Variants in DNAI4 observed in about 807,000 individuals in gnomAD.
DNAI4 encodes dynein axonemal intermediate chain 4.
DNAI4 carries 85 observed loss-of-function variants against 105.8 expected under a neutral mutation model. The ratio of observed to expected loss-of-function variants is 0.80; its 90% CI spans 0.67 to 0.96. The LOEUF (loss-of-function observed/expected upper bound fraction) is 0.96, where lower values mean the gene tolerates loss of function less well. DNAI4 is among the 40% of genes least tolerant of loss of function. The probability of loss-of-function intolerance (pLI) is 0.00; values close to 1 mark genes in which losing one functional copy is unlikely to be tolerated. For synonymous variants in DNAI4, 352 were observed against 331.5 expected, an observed-to-expected ratio of 1.06 and a Z score of -0.67; for missense variants, 1,014 against 1,005.6, an observed-to-expected ratio of 1.01 and a Z score of -0.11.
At chr1:66,817,172 G>A (rs112823573) in intron 16 of DNAI4, among the ~76,000 whole-genome samples, 11 of 152,048 alleles carry the variant, frequency 7.2e-5, no homozygotes, top group African/African-American at 2.7e-4. Context: ...TCATCATTTG[G>A]GTTGTTTTCA....
intron 4 of DNAI4, among the ~76,000 whole-genome samples, chr1:66,876,899 T>G (rs6699606): frequency 6.6e-6 from 1 of 152,106 alleles, no homozygotes; most frequent in African/African-American, 2.4e-5. Flanking sequence ...ACACCTTTAC[T>G]CATGAATCCC....
At chr1:66,829,018 C>T (rs1322854371) in intron 13 of DNAI4, among the ~76,000 whole-genome samples, 5 of 152,116 alleles carry the variant, frequency 3.3e-5, no homozygotes, top group Non-Finnish European at 1.5e-5. Context: ...AGGGAGTGCT[C>T]TCAGGAACAA....
chr1:66,876,138 T>C (rs745478218), intron 4 of DNAI4, among the ~76,000 whole-genome samples: 10 of 152,040 alleles, frequency 6.6e-5, no homozygotes, highest in Non-Finnish European at 1.3e-4. Flanking sequence ...ATTTTATTTA[T>C]ATAAGTAAAT....
chr1:66,871,141 A>G (rs908450476), intron 6 of DNAI4: 14 of 463,132 alleles, frequency 3.0e-5, no homozygotes, highest in African/African-American at 2.6e-4. Flanking sequence ...TCTATGATAT[A>G]GTATGCATAA....
intron 2 of DNAI4, among the ~76,000 whole-genome samples, chr1:66,903,123 C>T (rs938710328): frequency 6.6e-5 from 10 of 152,178 alleles, no homozygotes; most frequent in African/African-American, 2.4e-4. Flanking sequence ...CTGTAAGTCA[C>T]TTTAGGTAGT....
intron 8 of DNAI4, among the ~76,000 whole-genome samples, chr1:66,846,303 T>C (rs1401830599): frequency 6.6e-6 from 1 of 152,184 alleles, no homozygotes; most frequent in Non-Finnish European, 1.5e-5. Flanking sequence ...CAAAAAGATT[T>C]ACAACCATTT....
At chr1:66,854,039 CAT>C (rs1437571889) in intron 7 of DNAI4, among the ~76,000 whole-genome samples, 4 of 152,140 alleles carry the variant, frequency 2.6e-5, no homozygotes, top group Non-Finnish European at 4.4e-5. Flanking sequence ...ACAAGAAAAA[CAT>C]AGAAGAATCT....
At chr1:66,852,571 AAATC>A (rs1420882519) in intron 7 of DNAI4, among the ~76,000 whole-genome samples, 1 of 152,170 alleles carries the variant, frequency 6.6e-6, no homozygotes, top group Non-Finnish European at 1.5e-5. Flanking sequence ...CAATATTAAA[AAATC>A]AATCAAAGTA....
At chr1:66,921,967 G>A (rs1650520527) in intron 1 of DNAI4, among the ~76,000 whole-genome samples, 3 of 150,720 alleles carry the variant, frequency 2.0e-5, no homozygotes, top group South Asian at 2.1e-4. Context: ...CAGTGATCAC[G>A]GATCACTACA....
chr1:66,859,902 C>T (rs971098110), intron 7 of DNAI4, among the ~76,000 whole-genome samples: 7 of 151,930 alleles, frequency 4.6e-5, no homozygotes, highest in Non-Finnish European at 7.4e-5. Context: ...AGAAACATGC[C>T]GTTATGCATT....
chr1:66,874,674 A>T, intron 5 of DNAI4, 107 bp downstream of exon 5: 2 of 1,091,492 alleles, frequency 1.8e-6, no homozygotes, highest in Non-Finnish European at 2.6e-6. Flanking sequence ...CAAACCCCAT[A>T]GTGTATACCC....
chr1:66,820,618 A>G (rs1645605846), intron 16 of DNAI4, among the ~76,000 whole-genome samples: 4 of 152,096 alleles, frequency 2.6e-5, no homozygotes, highest in African/African-American at 9.7e-5. Context: ...CAAAGGTGGT[A>G]AATGTTATTT....
intron 10 of DNAI4, among the ~76,000 whole-genome samples, chr1:66,836,230 GAGAGAAAGAA>G (rs1646002678): frequency 7.3e-6 from 1 of 137,770 alleles, no homozygotes; most frequent in African/African-American, 2.8e-5. Context: ...GAGAGAGAGA[GAGAGAAAGAA>G]AGAAAGAGAG....
At chr1:66,814,747 C>A (rs558369168) in intron 16 of DNAI4, among the ~76,000 whole-genome samples, 1 of 152,140 alleles carries the variant, frequency 6.6e-6, no homozygotes, top group Admixed American at 6.5e-5. Context: ...TCCTATTTAA[C>A]CTTAATGCTT....
rs1261036377 is a variant in DNAI4 at position 66,866,286 on chromosome 1, G to A, written c.941-3984C>T. On this transcript the variant is annotated intron_variant, in intron 6 of 16. Transcript: ENST00000371026. ...TGCACCATGGCACTCCAGCCTGGGCGACAGAATGAGACTCTGTCTCAAAAA... is the reference window on the plus strand; with the variant it reads ...TGCACCATGGCACTCCAGCCTGGGCAACAGAATGAGACTCTGTCTCAAAAA... Among the ~76,000 whole-genome samples the A allele has an allele frequency of 6.0e-5, 9 of 150,754 alleles. No individual in the cohort carries two copies. The East Asian group carries it at 1.6e-3, about 26-fold the overall frequency.
chr1:66,891,715 C>T (rs547327551), intron 3 of DNAI4, among the ~76,000 whole-genome samples: 17 of 152,316 alleles, frequency 1.1e-4, no homozygotes, highest in African/African-American at 3.8e-4. Flanking sequence ...CTGCCCACCT[C>T]GGCCTCCCAA....
intron 1 of DNAI4, among the ~76,000 whole-genome samples, chr1:66,917,195 A>C (rs1285953671): frequency 6.6e-6 from 1 of 152,220 alleles, no homozygotes; most frequent in Non-Finnish European, 1.5e-5. Flanking sequence ...TGTGTTCCAA[A>C]ATGATGGGAA....
chr1:66,918,068 T>C (rs182695808), intron 1 of DNAI4, among the ~76,000 whole-genome samples: 13 of 152,322 alleles, frequency 8.5e-5, no homozygotes, highest in East Asian at 1.9e-4. Flanking sequence ...TTTGATTGCA[T>C]AAATCCATGG....
intron 16 of DNAI4, among the ~76,000 whole-genome samples, chr1:66,819,192 G>A (rs1490165065): frequency 6.6e-6 from 1 of 152,088 alleles, no homozygotes; most frequent in Non-Finnish European, 1.5e-5. Context: ...AAGATGACAT[G>A]AGCCTTTCCA....
Sources: allele counts gnomAD v4.1 joint callset (sites outside exome capture counted in the v4.1 genomes callset), GRCh38; gene constraint gnomAD v4.1.1; transcripts MANE v1.5; gene names NCBI Gene and HGNC (gene_info 2026-07-23, HGNC 2026-07-21).